Variants in SCARB1 observed in about 807,000 individuals in gnomAD.
The protein encoded by SCARB1 is CD36 and LIMPII analogous 1.
In SCARB1, 30 loss-of-function variants were observed where a neutral mutation model predicts 57.2. The ratio of observed to expected loss-of-function variants is 0.52; its 90% CI spans 0.39 to 0.71. The LOEUF is 0.71. SCARB1 is among the 30% of genes least tolerant of loss of function. The pLI is 0.00. For missense variants in SCARB1, 543 were observed against 671.2 expected (o/e 0.81, Z 2.11); for synonymous variants, 249 against 268.3 (o/e 0.93, Z 0.70).
chr12:124,850,111 G>C (rs2135822569), intron 1 of SCARB1, among the ~76,000 whole-genome samples: 1 of 127,206 alleles, frequency 7.9e-6, no homozygotes, highest in Non-Finnish European at 1.8e-5. Flanking sequence ...TGTGGCATAT[G>C]CTTATAATCC....
At chr12:124,787,111 CAGG>C (rs1949553421) in intron 10 of SCARB1, among the ~76,000 whole-genome samples, 2 of 152,270 alleles carry the variant, frequency 1.3e-5, no homozygotes, top group African/African-American at 2.4e-5. Flanking sequence ...TCCCCACTTT[CAGG>C]AGAAGAGGTC....
rs7953717 is a variant in SCARB1 at position 124,810,837 on chromosome 12, T to C, written c.727-548A>G. Among the ~76,000 whole-genome samples the C allele has an allele frequency of 0.46, 70,125 of 152,064 alleles. 16,672 individuals are homozygous for C. Among genetic ancestry groups the C allele is most frequent in the South Asian group, 0.6 (2,895 of 4,820 alleles). On this transcript the variant is annotated intron_variant, in intron 5 of 12. Transcript: ENST00000261693. This position sits in a 1 kb window ranked among gnomAD's most constrained non-coding sequence, Gnocchi z 4.0. The stretch of plus-strand genomic sequence containing the variant: ...AAATCACGTGCACATGTACAGTATA[T>C]TGGAATATACAAGCCACAATGAATG...
chr12:124,818,568 C>T (rs909164051), intron 1 of SCARB1, among the ~76,000 whole-genome samples: 1 of 152,164 alleles, frequency 6.6e-6, no homozygotes, highest in African/African-American at 2.4e-5. Context: ...TGTGTTCAAG[C>T]GATTCTCCTG....
At chr12:124,853,677 G>A (rs1288456210) in intron 1 of SCARB1, among the ~76,000 whole-genome samples, 1 of 152,192 alleles carries the variant, frequency 6.6e-6, no homozygotes, top group Non-Finnish European at 1.5e-5. Context: ...TTACAGGCAT[G>A]AGCCACTGTG....
chr12:124,822,589 A>G lies in SCARB1; in HGVS notation c.127-4882T>C, dbSNP rs1266185613. 3.3e-5 allele frequency among the ~76,000 whole-genome samples: 5 copies of G among 152,202 alleles called. No individual in the cohort carries two copies. The highest frequency in any genetic ancestry group is 5.9e-5 in the Non-Finnish European group (4 of 68,032). On this transcript the variant is annotated intron_variant, in intron 1 of 12. Coordinates refer to ENST00000261693, the MANE Select transcript of SCARB1 (RefSeq NM_005505.5). The surrounding 1 kb of genome is among the most constrained non-coding windows in gnomAD (Gnocchi z 5.0). ...TAGGTGAAGTGTATACATCTGATGC[A>G]ACTCATCAAATTAGGCCAGGCATGG...
intron 1 of SCARB1, among the ~76,000 whole-genome samples, chr12:124,841,426 G>A (rs1481369636): frequency 6.7e-6 from 1 of 148,848 alleles, no homozygotes; most frequent in Non-Finnish European, 1.5e-5. Context: ...AGGTTGCAGT[G>A]AGCTGATACC....
At position 124,814,228 on chromosome 12, in the gene SCARB1, T is replaced by C. The variant is rs141478587; in HGVS notation, c.604A>G (p.Lys202Glu). ...NKYFPGMFPFKDKFGLFAELN... is the reference protein window; with the variant it reads ...NKYFPGMFPFEDKFGLFAELN... ...TCAGCAAATAATCCGAACTTGTCCT[T>C]GAAGGGGAACATGCCTGGAAAGTAC... Residue 202 changes from lysine to glutamate, a missense_variant, in exon 4 of 13, where the codon AAG becomes GAG. By Grantham distance (56) the Lys-to-Glu change is moderately conservative. Coordinates refer to ENST00000261693, the MANE Select transcript of SCARB1 (RefSeq NM_005505.5). The surrounding 1 kb of genome is among the most constrained non-coding windows in gnomAD (Gnocchi z 4.7). The C allele has an allele frequency of 9.9e-6, 16 of 1,614,152 alleles. No individual in the cohort carries two copies. The highest frequency in any genetic ancestry group is 2.2e-5 in the East Asian group (1 of 44,880).
chr12:124,830,138 C>T (rs1951328870), intron 1 of SCARB1, among the ~76,000 whole-genome samples: 1 of 152,236 alleles, frequency 6.6e-6, no homozygotes. Flanking sequence ...GTCCACTGGA[C>T]TCACAGTGAG....
rs531662650 is a variant in SCARB1 at position 124,800,009 on chromosome 12, C to G, written c.1128+115G>C. On this transcript the variant is annotated intron_variant, in intron 8 of 12. Transcript: ENST00000261693. The surrounding 1 kb of genome is among the most constrained non-coding windows in gnomAD (Gnocchi z 4.8). Reference sequence around the variant, plus strand: ...CTTTGGTGGCTCGAGATTCTAGAAGCCAGGCTTCCCACCACCCCAGCCCAC... The same window carrying G: ...CTTTGGTGGCTCGAGATTCTAGAAGGCAGGCTTCCCACCACCCCAGCCCAC... 1 of 810,740 alleles carries G rather than the reference C, an allele frequency of 1.2e-6. No individual in the cohort carries two copies. Among genetic ancestry groups the G allele is most frequent in the East Asian group, 2.5e-5 (1 of 40,628 alleles). 50.2% of individuals were successfully genotyped at this position (810,740 alleles called of 1,614,324 possible). A position where few individuals can be genotyped will look rare whatever the true frequency, so the allele number is the denominator to read the frequency against.
chr12:124,838,490 C>T (rs1951780819), intron 1 of SCARB1, among the ~76,000 whole-genome samples: 1 of 152,126 alleles, frequency 6.6e-6, no homozygotes, highest in East Asian at 1.9e-4. Flanking sequence ...TTCAAGAACA[C>T]GTCATGAAGC....
intron 9 of SCARB1, among the ~76,000 whole-genome samples, chr12:124,791,496 C>G (rs1237518924): frequency 1.3e-5 from 2 of 152,152 alleles, no homozygotes; most frequent in African/African-American, 4.8e-5. Flanking sequence ...AATTACCCGG[C>G]ATATAAAAGT....
chr12:124,844,272 C>G (rs1022992721), intron 1 of SCARB1, among the ~76,000 whole-genome samples: 1 of 152,148 alleles, frequency 6.6e-6, no homozygotes, highest in Non-Finnish European at 1.5e-5. Flanking sequence ...AATGTTGACA[C>G]GAGTTACCGT....
At chr12:124,832,256 A>T (rs1383834306) in intron 1 of SCARB1, among the ~76,000 whole-genome samples, 1 of 152,170 alleles carries the variant, frequency 6.6e-6, no homozygotes, top group African/African-American at 2.4e-5. Flanking sequence ...GGTGGCTCAC[A>T]CCTGTGGAAT....
chr12:124,788,777 C>A (rs1335123686), intron 9 of SCARB1, among the ~76,000 whole-genome samples: 1 of 152,210 alleles, frequency 6.6e-6, no homozygotes, highest in Non-Finnish European at 1.5e-5. Flanking sequence ...ATATACCTCA[C>A]GACCCAGCAA....
At chr12:124,779,228 C>T (rs561742699) in intron 12 of SCARB1, among the ~76,000 whole-genome samples, 28 of 152,300 alleles carry the variant, frequency 1.8e-4, no homozygotes, top group African/African-American at 6.5e-4. Context: ...GGATTCCAGG[C>T]GTGAGACACC....
chr12:124,811,064 A>T (rs372107117), intron 5 of SCARB1, among the ~76,000 whole-genome samples: 112 of 152,358 alleles, frequency 7.4e-4, no homozygotes, highest in African/African-American at 2.6e-3. Flanking sequence ...CAGTTGCAAA[A>T]CAATGCACGT....
Position 124,807,784 on chromosome 12 carries a change from TG to T in SCARB1, c.985del (p.Gln329ArgfsTer30). The T allele has an allele frequency of 6.2e-7, 1 of 1,614,168 alleles. No individual in the cohort carries two copies. The highest frequency in any genetic ancestry group is 8.5e-7 in the Non-Finnish European group (1 of 1,180,036). On this transcript the variant is annotated frameshift_variant, in exon 7 of 13. Coordinates refer to ENST00000261693, the MANE Select transcript of SCARB1 (RefSeq NM_005505.5). LOFTEE classifies it high-confidence loss of function. The surrounding 1 kb of genome is among the most constrained non-coding windows in gnomAD (Gnocchi z 5.3). ...GFCPCLESGI[Q>X]NVSTCRFSAP... Reference sequence around the variant, plus strand: ...ACTGAACCTGCAGGTGCTGACGTTCTGAATTCCAGACTCCAGGCACGGGCAG... The same window carrying T: ...ACTGAACCTGCAGGTGCTGACGTTCTAATTCCAGACTCCAGGCACGGGCAG...
chr12:124,808,052 GC>G, intron 6 of SCARB1, 125 bp from the exon 7 acceptor site: 3 of 892,600 alleles, frequency 3.4e-6, no homozygotes, highest in South Asian at 1.4e-5. Context: ...GGTCCAAACC[GC>G]CCCCATCTCT....
At chr12:124,841,592 A>T (rs571456879) in intron 1 of SCARB1, among the ~76,000 whole-genome samples, 12 of 150,648 alleles carry the variant, frequency 8.0e-5, no homozygotes, top group African/African-American at 2.7e-4. Flanking sequence ...CAAGGCCCCC[A>T]CATGCCTGTC....
Sources: gnomAD v4.1 joint callset for allele counts (sites outside exome capture counted in the v4.1 genomes callset) on GRCh38, gnomAD v4.1.1 for gene constraint, Gnocchi (gnomAD v3.1) non-coding constraint, MANE v1.5 for transcripts, NCBI Gene and HGNC (gene_info 2026-07-23, HGNC 2026-07-21) for gene names.